Variants in GLA observed in about 807,000 individuals in gnomAD.
The protein encoded by GLA is alpha-galactosidase A.
Under a neutral mutation model 28.2 loss-of-function variants are expected in GLA, and 4 were observed. The ratio of observed to expected loss-of-function variants is 0.14; its 90% CI spans 0.07 to 0.32. The LOEUF is 0.32. GLA is among the 10% of genes least tolerant of loss of function. The pLI is 1.00. For synonymous variants in GLA, 94 were observed against 113.0 expected (o/e 0.83, Z 1.07); for missense variants, 203 against 323.7 (o/e 0.63, Z 2.86).
intron 1 of GLA, among the ~76,000 whole-genome samples, chrX:101,404,714 C>T (rs1232899067): frequency 9.2e-6 from 1 of 108,824 alleles, no homozygotes; most frequent in African/African-American, 3.3e-5. Context: ...AGATTACAGG[C>T]ATGTGCCATC....
intron 2 of GLA, among the ~76,000 whole-genome samples, chrX:101,402,491 G>A (rs1398203321): frequency 1.1e-4 from 12 of 112,406 alleles, no homozygotes; most frequent in Non-Finnish European, 1.7e-4. Context: ...TCGGCCGGGC[G>A]TGGTGGCTCA....
At position 101,401,731 on chromosome X, in the gene GLA, C is replaced by T. The variant is rs1364324315; in HGVS notation, c.448G>A (p.Gly150Arg). 1 of 1,208,827 alleles carries T rather than the reference C, an allele frequency of 8.3e-7. No homozygotes were observed. The highest frequency in any genetic ancestry group is 1.7e-5 in the African/African-American group (1 of 57,726). ...KTCAGFPGSF[G>R]YYDIDAQTFA... ...GTCTGGGCATCAATGTCGTAGTATC[C>T]AAAACTCCCAGGGAAGCCTGCGCAG... is the stretch of plus-strand genomic sequence containing the variant. Residue 150 changes from glycine (G) to arginine (R), a missense_variant, in exon 3 of 7, where the codon GGA becomes AGA. Physicochemically the swap from Gly to Arg is moderately radical, Grantham distance 125. Coordinates refer to ENST00000218516, the MANE Select transcript of GLA (RefSeq NM_000169.3).
rs1386622522 is a variant in GLA, at chrX:101,401,698, C to T, written c.481G>A (p.Asp161Asn). 4 of 1,208,737 alleles carry T rather than the reference C, an allele frequency of 3.3e-6. No individual in the cohort carries two copies. The African/African-American group carries it at 5.2e-5, about 16-fold the overall frequency. ...YYDIDAQTFA[D>N]WGVDLLKFDG... ...AATTTTAGCAGATCTACTCCCCAGT[C>T]AGCAAAGGTCTGGGCATCAATGTCG... Residue 161 changes from aspartate to asparagine, a missense_variant, in exon 3 of 7, where the codon GAC becomes AAC. Asp to Asn is a conservative substitution (Grantham distance 23). Coordinates refer to ENST00000218516, the MANE Select transcript of GLA (RefSeq NM_000169.3).
chrX:101,401,560 G>A (rs782126435), intron 3 of GLA, 72 bp downstream of exon 3: 21 of 872,653 alleles, frequency 2.4e-5, no homozygotes, highest in Non-Finnish European at 3.2e-5. Context: ...TCTGAAGATT[G>A]GTTCTTTGGC....
chrX:101,400,599 G>T, intron 4 of GLA, 67 bp downstream of exon 4: 1 of 621,981 alleles, frequency 1.6e-6, no homozygotes, highest in South Asian at 2.3e-5. Context: ...AGGAGACCTT[G>T]GTTTCCTTTG....
intron 4 of GLA, 90 bp from the exon 5 acceptor site, chrX:101,399,036 CTT>C: frequency 1.2e-6 from 1 of 805,137 alleles, no homozygotes; most frequent in Non-Finnish European, 1.9e-6. Context: ...GTAGCCTTCT[CTT>C]GAGTTTACAG....
At chrX:101,402,835 T>C (rs1928364646) in intron 2 of GLA, among the ~76,000 whole-genome samples, 1 of 112,008 alleles carries the variant, frequency 8.9e-6, no homozygotes, top group Non-Finnish European at 1.9e-5. Context: ...TCCAGAATAT[T>C]TTCCTTCTAT....
At chrX:101,406,486 C>A (rs1177861310) in intron 1 of GLA, among the ~76,000 whole-genome samples, 7 of 111,234 alleles carry the variant, frequency 6.3e-5, no homozygotes, top group African/African-American at 2.3e-4. Flanking sequence ...TTTTGCTCTT[C>A]TTTATCTACA....
intron 6 of GLA, 29 bp downstream of exon 6, chrX:101,398,341 G>A (rs1928153652): frequency 9.1e-7 from 1 of 1,099,072 alleles, no homozygotes; most frequent in Non-Finnish European, 1.3e-6. Flanking sequence ...GGTATATAAA[G>A]CCATCTTAAA....
rs983878520 is a variant in GLA, at chrX:101,404,087, G to C, written c.195-102C>G. The C allele has an allele frequency of 4.8e-5, 33 of 690,247 alleles. No homozygotes were observed. In the Middle Eastern group the frequency reaches 1.0e-3, roughly 22 times the overall value. The allele number at this position is 690,247 out of a possible 1,213,427, so 56.9% of individuals were successfully genotyped here. ...GGATTTCACAATTTTTTCCAACCCAGTAATAGTGTGGTAGTAATCACAAGC... is the reference window on the plus strand; with the variant it reads ...GGATTTCACAATTTTTTCCAACCCACTAATAGTGTGGTAGTAATCACAAGC... On this transcript the variant is annotated intron_variant, in intron 1 of 6. Transcript: ENST00000218516.
At chrX:101,400,566 T>C in intron 4 of GLA, 100 bp downstream of exon 4, 1 of 526,908 alleles carries the variant, frequency 1.9e-6, no homozygotes. Context: ...GGTAGGATGA[T>C]AGTAAGTAAC....
chrX:101,402,540 G>A (rs781809388), intron 2 of GLA, among the ~76,000 whole-genome samples: 5 of 111,771 alleles, frequency 4.5e-5, no homozygotes, highest in Admixed American at 1.9e-4. Flanking sequence ...CAAGGTGGGC[G>A]GATTACAAGG....
chrX:101,400,015 T>C (rs1928248025), intron 4 of GLA, among the ~76,000 whole-genome samples: 1 of 110,763 alleles, frequency 9.0e-6, no homozygotes, highest in Admixed American at 9.7e-5. Context: ...CTTGCAGTGT[T>C]GAGGGACAGA....
At chrX:101,400,601 T>A in intron 4 of GLA, 65 bp downstream of exon 4, 1 of 639,735 alleles carries the variant, frequency 1.6e-6, no homozygotes, top group South Asian at 2.3e-5. Flanking sequence ...GAGACCTTGG[T>A]TTCCTTTGTT....
rs35549513 is a variant in GLA at position 101,401,901 on chromosome X, C to G, written c.370-92G>C. On this transcript the variant is annotated intron_variant, in intron 2 of 6. Coordinates refer to ENST00000218516, the MANE Select transcript of GLA (RefSeq NM_000169.3). Reference sequence around the variant, plus strand: ...AACCATTCCAGGCTGGGGGAAGAGACAAGGTTACTTCACCAGGTATTGGGG... The same window carrying G: ...AACCATTCCAGGCTGGGGGAAGAGAGAAGGTTACTTCACCAGGTATTGGGG... 295 of 855,455 alleles carry G rather than the reference C, an allele frequency of 3.4e-4. 1 individual carries two copies. In the East Asian group the frequency reaches 9.1e-3, roughly 26 times the overall value. 70.5% of individuals were successfully genotyped at this position (855,455 alleles called of 1,213,427 possible).
chrX:101,398,529 T>C lies in GLA; in HGVS notation c.840A>G (p.Gln280=). The C allele has an allele frequency of 8.3e-7, 1 of 1,209,665 alleles. No homozygotes were observed. The highest frequency in any genetic ancestry group is 1.1e-6 in the Non-Finnish European group (1 of 893,595). Residue 280 remains glutamine (Q), a synonymous_variant, in exon 6 of 7, where the codon CAA becomes CAG. Coordinates refer to ENST00000218516, the MANE Select transcript of GLA (RefSeq NM_000169.3). ...IGNFGLSWNQ[Q]VTQMALWAIM... is the part of the protein sequence containing the mutation. ...TAGCCCAGAGGGCCATCTGAGTTAC[T>C]TGCTGATTCCAGCTGAGGCCAAAGT...
intron 2 of GLA, among the ~76,000 whole-genome samples, chrX:101,402,063 T>C (rs949562868): frequency 8.9e-6 from 1 of 112,789 alleles, no homozygotes; most frequent in African/African-American, 3.2e-5. Context: ...CTAGCAGCCA[T>C]GCTAATCTTC....
chrX:101,406,777 GAAGA>G (rs1283007548), intron 1 of GLA, among the ~76,000 whole-genome samples: 4 of 112,498 alleles, frequency 3.6e-5, no homozygotes, highest in African/African-American at 1.3e-4. Flanking sequence ...TTGAGAATTT[GAAGA>G]AAGGTAAATA....
intron 6 of GLA, 28 bp downstream of exon 6, chrX:101,398,342 C>G: frequency 9.0e-7 from 1 of 1,106,142 alleles, no homozygotes; most frequent in Non-Finnish European, 1.2e-6. Context: ...GTATATAAAG[C>G]CATCTTAAAA....
Sources: gnomAD v4.1 joint callset for allele counts (sites outside exome capture counted in the v4.1 genomes callset) on GRCh38, gnomAD v4.1.1 for gene constraint, MANE v1.5 for transcripts, NCBI Gene and HGNC (gene_info 2026-07-23, HGNC 2026-07-21) for gene names.